Variants in SLC2A9 observed in about 807,000 individuals in gnomAD.
The protein encoded by SLC2A9 is solute carrier family 2, facilitated glucose transporter member 9.
SLC2A9 carries 39 observed loss-of-function variants against 50.6 expected under a neutral mutation model. That is an observed-to-expected ratio of 0.77 (90% CI 0.60 to 1.01). The LOEUF (loss-of-function observed/expected upper bound fraction) is 1.01. Ranked by LOEUF, SLC2A9 falls within the 50% of genes least tolerant of loss-of-function variation. The pLI, the probability that SLC2A9 is intolerant of heterozygous loss-of-function variation, is 0.00. For missense variants in SLC2A9, 686 were observed against 677.6 expected, an observed-to-expected ratio of 1.01 and a Z score of -0.14; for synonymous variants, 324 against 276.9, an observed-to-expected ratio of 1.17 and a Z score of -1.69.
chr4:9,802,531 G>A lies in SLC2A9; in HGVS notation n.421-3290C>T, dbSNP rs181815100. Among the ~76,000 whole-genome samples, 760 of 151,014 alleles carry A rather than the reference G, an allele frequency of 5.0e-3. 6 individuals carry two copies. The highest frequency in any genetic ancestry group is 0.017 in the African/African-American group (711 of 41,114). On this transcript the variant is annotated intron_variant and non_coding_transcript_variant, in intron 3 of 3. Coordinates refer to the SLC2A9 transcript ENST00000503280. ...CATATTAATCTCTTCCAAAAGGTGA[G>A]CAGTAAAGAGGTTTTTTTTGTTCTT...
intron 3 of SLC2A9, among the ~76,000 whole-genome samples, chr4:9,801,856 G>T (rs371727307): frequency 2.6e-5 from 4 of 152,226 alleles, no homozygotes; most frequent in African/African-American, 9.6e-5. Flanking sequence ...GAATAGGTTT[G>T]GGAGTGCTGT....
intron 7 of SLC2A9, among the ~76,000 whole-genome samples, chr4:9,916,395 C>A (rs1467046286): frequency 1.3e-5 from 2 of 152,196 alleles, no homozygotes; most frequent in Non-Finnish European, 2.9e-5. Context: ...TCTTTTACAT[C>A]TATTTCTAAC....
At position 9,908,266 on chromosome 4, in the gene SLC2A9, C is replaced by G. The variant is rs1741052538; in HGVS notation, c.1082G>C (p.Gly361Ala). ...AKIPYVTLSTGGIETLAAVFS... is the reference protein window; with the variant it reads ...AKIPYVTLSTAGIETLAAVFS... ...GACGGCAGCCAAAGTCTCGATGCCC[C>G]CTGTACTCAAGGTGACGTATGGGAT... is the stretch of plus-strand genomic sequence containing the variant. The change falls in exon 8 of 12, where the codon GGG (glycine) becomes GCG (alanine). Residue 361 changes from glycine (G) to alanine (A), a missense_variant. Physicochemically the swap from Gly to Ala is moderately conservative, Grantham distance 60 (BLOSUM62 0). Coordinates refer to ENST00000264784, the MANE Select transcript of SLC2A9 (RefSeq NM_020041.3). The G allele has an allele frequency of 6.2e-7, 1 of 1,613,916 alleles. No individual in the cohort carries two copies. The highest frequency in any genetic ancestry group is 1.3e-5 in the African/African-American group (1 of 74,898).
intron 2 of SLC2A9, among the ~76,000 whole-genome samples, chr4:9,998,842 A>G (rs925030292): frequency 1.3e-5 from 2 of 152,226 alleles, no homozygotes; most frequent in Admixed American, 6.5e-5. Context: ...AGCTCTGTCC[A>G]AACACACATG....
Position 9,964,600 on chromosome 4 carries a change from A to G in SLC2A9, c.681+15992T>C, listed in dbSNP as rs1324222052. On this transcript the variant is annotated intron_variant, in intron 5 of 11. Coordinates refer to ENST00000264784, the MANE Select transcript of SLC2A9 (RefSeq NM_020041.3). Reference sequence around the variant, plus strand: ...CGATGTTGCTGGGTGGCTGGGGCTTAAAATCACTTTAAAATAGATGAGTAC... The same window carrying G: ...CGATGTTGCTGGGTGGCTGGGGCTTGAAATCACTTTAAAATAGATGAGTAC... 2.0e-5 allele frequency among the ~76,000 whole-genome samples: 3 copies of G among 152,316 alleles called. No individual in the cohort carries two copies. In the East Asian group the frequency reaches 5.8e-4, roughly 29 times the overall value.
At chr4:9,906,070 T>TA (rs1199224373) in intron 8 of SLC2A9, among the ~76,000 whole-genome samples, 4 of 152,240 alleles carry the variant, frequency 2.6e-5, no homozygotes, top group African/African-American at 9.6e-5. Flanking sequence ...AGTTACCACT[T>TA]ACTGGGTGTA....
downstream of SLC2A9, among the ~76,000 whole-genome samples, chr4:9,795,839 G>C (rs1720531707): frequency 6.6e-6 from 1 of 152,148 alleles, no homozygotes; most frequent in Non-Finnish European, 1.5e-5. Flanking sequence ...AAAGACCTCA[G>C]GGGGAACCAA....
At chr4:10,023,318 C>T (rs116419657), upstream of SLC2A9, among the ~76,000 whole-genome samples, 724 of 152,310 alleles carry the variant, frequency 4.8e-3, 7 homozygotes, top group African/African-American at 0.016. Flanking sequence ...AGCTGCATCC[C>T]TGTGCATGGA....
intron 10 of SLC2A9, among the ~76,000 whole-genome samples, chr4:9,874,233 T>C (rs567137790): frequency 4.1e-5 from 6 of 145,644 alleles, no homozygotes; most frequent in African/African-American, 1.3e-4. Context: ...CTAGCTCAAA[T>C]GGCACTTTTG....
At chr4:9,974,563 T>C (rs571882789) in intron 5 of SLC2A9, among the ~76,000 whole-genome samples, 1 of 148,238 alleles carries the variant, frequency 6.7e-6, no homozygotes, top group South Asian at 2.1e-4. Context: ...AGGTGAAAGA[T>C]TTAAATAAAG....
chr4:9,886,383 GCTTT>G (rs1736218114), intron 10 of SLC2A9, among the ~76,000 whole-genome samples: 1 of 151,466 alleles, frequency 6.6e-6, no homozygotes, highest in Non-Finnish European at 1.5e-5. Context: ...GGAGGTGCTT[GCTTT>G]CTTTTTCTTG....
chr4:10,018,557 T>C (rs1249275584), intron 2 of SLC2A9, among the ~76,000 whole-genome samples: 1 of 148,470 alleles, frequency 6.7e-6, no homozygotes, highest in Non-Finnish European at 1.5e-5. Flanking sequence ...GATAGATAGA[T>C]AGATAGATAG....
intron 6 of SLC2A9, among the ~76,000 whole-genome samples, chr4:9,926,939 G>A (rs1041007149): frequency 1.3e-5 from 2 of 151,996 alleles, no homozygotes; most frequent in Admixed American, 6.5e-5. Context: ...GGTCCCCGTC[G>A]GAAGCCAGAA....
upstream of SLC2A9, among the ~76,000 whole-genome samples, chr4:10,024,433 G>A (rs2109578793): frequency 6.6e-6 from 1 of 152,326 alleles, no homozygotes; most frequent in Non-Finnish European, 1.5e-5. Flanking sequence ...CTTATAGGAA[G>A]AGGAAATGAG....
At chr4:9,806,279 C>T (rs550755264) in intron 3 of SLC2A9, among the ~76,000 whole-genome samples, 323 of 152,330 alleles carry the variant, frequency 2.1e-3, no homozygotes, top group Non-Finnish European at 3.7e-3. Flanking sequence ...ACTTGGTCCA[C>T]GCAGGGAAAA....
At chr4:9,986,425 A>C (rs1412139558) in intron 3 of SLC2A9, among the ~76,000 whole-genome samples, 4 of 152,128 alleles carry the variant, frequency 2.6e-5, no homozygotes, top group African/African-American at 7.2e-5. Context: ...AAACATGAAA[A>C]AGCTAGTCTT....
At chr4:9,913,045 T>C (rs1010065960) in intron 7 of SLC2A9, among the ~76,000 whole-genome samples, 2 of 152,144 alleles carry the variant, frequency 1.3e-5, no homozygotes, top group Admixed American at 6.5e-5. Context: ...CATCTAGAAG[T>C]TGGGAATGTC....
At chr4:9,836,532 A>G (rs1254878936) in intron 10 of SLC2A9, among the ~76,000 whole-genome samples, 2 of 152,100 alleles carry the variant, frequency 1.3e-5, no homozygotes, top group Non-Finnish European at 2.9e-5. Flanking sequence ...CCTACAGGTG[A>G]AAGGATTGGG....
chr4:9,984,068 T>A (rs1027917311), intron 4 of SLC2A9, among the ~76,000 whole-genome samples: 2 of 152,230 alleles, frequency 1.3e-5, no homozygotes, highest in African/African-American at 4.8e-5. Flanking sequence ...CAGCCATTAT[T>A]CTTATGGATA....
Sources: gnomAD v4.1 joint callset for allele counts (sites outside exome capture counted in the v4.1 genomes callset) on GRCh38, gnomAD v4.1.1 for gene constraint, MANE v1.5 for transcripts, NCBI Gene and HGNC (gene_info 2026-07-23, HGNC 2026-07-21) for gene names.